MGST1: variants seen among roughly 807,000 people sequenced by gnomAD.
MGST1 encodes microsomal glutathione S-transferase 1, also known as glutathione S-transferase 12.
A neutral mutation model predicts 8.9 loss-of-function variants in MGST1; 5 were observed. The ratio of observed to expected loss-of-function variants is 0.56; its 90% CI spans 0.29 to 1.19. The LOEUF (loss-of-function observed/expected upper bound fraction) is 1.19. Ranked by LOEUF, MGST1 falls within the 50% of genes most tolerant of loss-of-function variation. The probability of loss-of-function intolerance (pLI) is 0.08; values close to 1 mark genes in which losing one functional copy is unlikely to be tolerated. For synonymous variants in MGST1, 54 were observed against 67.8 expected (o/e 0.80, Z 1.00); for missense variants, 182 against 187.4 (o/e 0.97, Z 0.17).
intron 4 of MGST1, among the ~76,000 whole-genome samples, chr12:16,484,257 G>T (rs1048408250): frequency 6.6e-6 from 1 of 152,174 alleles, no homozygotes; most frequent in Non-Finnish European, 1.5e-5. Flanking sequence ...AAATAACATG[G>T]TTCAGGAGCT....
At chr12:16,431,163 A>T (rs1485431189) in intron 1 of MGST1, among the ~76,000 whole-genome samples, 1 of 152,232 alleles carries the variant, frequency 6.6e-6, no homozygotes. Context: ...ATTGAAGAGA[A>T]TTAGGGCCTT....
At chr12:16,495,210 C>A (rs1182179437) in intron 4 of MGST1, among the ~76,000 whole-genome samples, 1 of 152,040 alleles carries the variant, frequency 6.6e-6, no homozygotes, top group Non-Finnish European at 1.5e-5. Flanking sequence ...TGAATTAATG[C>A]AGGAACAGAA....
At chr12:16,514,976 T>C (rs1456981814) in intron 4 of MGST1, among the ~76,000 whole-genome samples, 3 of 152,202 alleles carry the variant, frequency 2.0e-5, no homozygotes, top group Non-Finnish European at 4.4e-5. Flanking sequence ...CTGTCAATTA[T>C]GCTATTGGAA....
intron 4 of MGST1, among the ~76,000 whole-genome samples, chr12:16,475,497 T>C (rs1260457430): frequency 6.6e-6 from 1 of 152,244 alleles, no homozygotes; most frequent in Non-Finnish European, 1.5e-5. Context: ...CATAGTTTCT[T>C]TGTTAACGGC....
At chr12:16,450,182 A>C (rs1941117626) in intron 4 of MGST1, among the ~76,000 whole-genome samples, 1 of 151,904 alleles carries the variant, frequency 6.6e-6, no homozygotes, top group Non-Finnish European at 1.5e-5. Context: ...TTTGCTTTGC[A>C]TCTAAGCAAC....
intron 4 of MGST1, among the ~76,000 whole-genome samples, chr12:16,507,970 A>G (rs1941550618): frequency 6.6e-6 from 1 of 152,172 alleles, no homozygotes; most frequent in Admixed American, 6.6e-5. Context: ...TGCTCCAGCC[A>G]CATCAAATTA....
chr12:16,387,279 A>T (rs1185413538), intron 1 of MGST1, among the ~76,000 whole-genome samples: 1 of 152,208 alleles, frequency 6.6e-6, no homozygotes, highest in African/African-American at 2.4e-5. Context: ...GACCCATAAG[A>T]TAATAATACA....
intron 1 of MGST1, among the ~76,000 whole-genome samples, chr12:16,414,034 C>T (rs904408304): frequency 6.6e-6 from 1 of 151,402 alleles, no homozygotes; most frequent in Non-Finnish European, 1.5e-5. Context: ...TATTTGCCTG[C>T]TAAGAGTTGG....
intron 4 of MGST1, among the ~76,000 whole-genome samples, chr12:16,478,541 A>G (rs571216694): frequency 4.5e-4 from 68 of 152,186 alleles, no homozygotes; most frequent in Admixed American, 1.5e-3. Context: ...TGTTACTATA[A>G]TATTTTTTAT....
At chr12:16,375,740 T>C (rs1940368714) in intron 3 of MGST1, among the ~76,000 whole-genome samples, 1 of 151,928 alleles carries the variant, frequency 6.6e-6, no homozygotes, top group Non-Finnish European at 1.5e-5. Flanking sequence ...TTTTAACTGA[T>C]GATGTGTTTT....
At chr12:16,393,757 C>T (rs1243871992) in intron 1 of MGST1, among the ~76,000 whole-genome samples, 1 of 152,118 alleles carries the variant, frequency 6.6e-6, no homozygotes, top group Non-Finnish European at 1.5e-5. Context: ...AGACCTGTGG[C>T]CCAGAGGTAT....
chr12:16,544,623 A>G lies in MGST1; in HGVS notation n.483-44905A>G, dbSNP rs1022406612. On this transcript the variant is annotated intron_variant and non_coding_transcript_variant, in intron 4 of 4. Transcript: ENST00000538857. The surrounding 1 kb of genome is among the most constrained non-coding windows in gnomAD (Gnocchi z 4.8). ...TTGTGTGAGAAAAAGAATTAGCCAAATATCTAACAGGAAATTTGACTACAT... is the reference window on the plus strand; with the variant it reads ...TTGTGTGAGAAAAAGAATTAGCCAAGTATCTAACAGGAAATTTGACTACAT... Among the ~76,000 whole-genome samples the G allele has an allele frequency of 1.3e-5, 2 of 152,110 alleles. No individual in the cohort carries two copies. Among genetic ancestry groups the G allele is most frequent in the African/African-American group, 2.4e-5 (1 of 41,446 alleles).
In MGST1 at chr12:16,354,316, A is replaced by G. The variant is rs1476604852; in HGVS notation, c.64A>G (p.Ile22Val). The part of the protein sequence containing the change: ...VFMAFASYAT[I>V]ILSKMMLMST... ...CATGGCTTTTGCATCCTATGCAACA[A>G]TTATTCTTTCAAAAATGATGCTTAT... is the stretch of plus-strand genomic sequence containing the variant. The change falls in exon 2 of 4, where the codon ATT (isoleucine) becomes GTT (valine). Residue 22 changes from isoleucine to valine, a missense_variant. Coordinates refer to ENST00000396210, the MANE Select transcript of MGST1 (RefSeq NM_020300.5). The G allele has an allele frequency of 6.2e-7, 1 of 1,607,124 alleles. No homozygotes were observed. The highest frequency in any genetic ancestry group is 1.7e-5 in the Admixed American group (1 of 58,748).
At chr12:16,380,894 G>A (rs1400670628), downstream of MGST1, among the ~76,000 whole-genome samples, 1 of 152,160 alleles carries the variant, frequency 6.6e-6, no homozygotes, top group Non-Finnish European at 1.5e-5. Context: ...TTACCATTAT[G>A]TAGTGGCCTT....
chr12:16,536,788 G>A (rs911904673), intron 4 of MGST1, among the ~76,000 whole-genome samples: 1 of 152,144 alleles, frequency 6.6e-6, no homozygotes, highest in Non-Finnish European at 1.5e-5. Context: ...GGAACAGTAT[G>A]GGGGAAACTA....
At chr12:16,492,030 G>A (rs1006055574) in intron 4 of MGST1, among the ~76,000 whole-genome samples, 2 of 151,970 alleles carry the variant, frequency 1.3e-5, no homozygotes, top group Non-Finnish European at 2.9e-5. Flanking sequence ...AAAGCACATA[G>A]TTATATGGAC....
chr12:16,438,065 G>A (rs1941004347), exon 2 of MGST1: 1 of 151,878 alleles, frequency 6.6e-6, no homozygotes, highest in African/African-American at 2.4e-5. Flanking sequence ...TCAATATAGT[G>A]CAGTGCTCCA....
intron 1 of MGST1, among the ~76,000 whole-genome samples, chr12:16,419,778 C>A (rs542718839): frequency 6.6e-6 from 1 of 152,108 alleles, no homozygotes; most frequent in Admixed American, 6.6e-5. Flanking sequence ...TGGCCGTAAT[C>A]TTTGCCTTTC....
intron 1 of MGST1, chr12:16,399,742 C>CACAGAAGGAGTACAG: frequency 8.6e-7 from 1 of 1,161,132 alleles, no homozygotes; most frequent in Non-Finnish European, 1.3e-6. Flanking sequence ...AGGGACTGTA[C>CACAGAAGGAGTACAG]TCCTTCTGTG....
Sources: gnomAD v4.1 joint callset for allele counts (sites outside exome capture counted in the v4.1 genomes callset) on GRCh38, gnomAD v4.1.1 for gene constraint, Gnocchi (gnomAD v3.1) non-coding constraint, MANE v1.5 for transcripts, NCBI Gene and HGNC (gene_info 2026-07-23, HGNC 2026-07-21) for gene names.